The following THSD7A variants were observed in gnomAD, a reference collection of about 807,000 sequenced individuals.
The protein encoded by THSD7A is thrombospondin type 1 domain containing 7A.
Under a neutral mutation model 231.3 loss-of-function variants are expected in THSD7A, and 96 were observed. The observed-to-expected ratio is 0.41, with a 90% confidence interval of 0.35 to 0.49. The LOEUF (loss-of-function observed/expected upper bound fraction) is 0.49, where lower values mean the gene tolerates loss of function less well. THSD7A is among the 20% of genes least tolerant of loss of function. The pLI is 0.05. For missense variants in THSD7A, 2,290 were observed against 2,070.2 expected, an observed-to-expected ratio of 1.11 and a Z score of -2.06; for synonymous variants, 940 against 743.3, an observed-to-expected ratio of 1.26 and a Z score of -4.30.
intron 4 of THSD7A, among the ~76,000 whole-genome samples, chr7:11,571,606 C>A (rs759451887): frequency 6.6e-6 from 1 of 152,226 alleles, no homozygotes; most frequent in Non-Finnish European, 1.5e-5. Context: ...TCTATGTTCA[C>A]AACTGCTCAG....
rs1270852777 is a variant in THSD7A, at chr7:11,814,904, A to G, written c.190+16853T>C. Among the ~76,000 whole-genome samples the G allele has an allele frequency of 6.6e-6, 1 of 152,044 alleles. No individual in the cohort carries two copies. The highest frequency in any genetic ancestry group is 1.5e-5 in the Non-Finnish European group (1 of 68,008). On this transcript the variant is annotated intron_variant, in intron 1 of 27. Transcript: ENST00000423059. This position sits in a 1 kb window ranked among gnomAD's most constrained non-coding sequence, Gnocchi z 5.1. ...TTTCTGTGATTATCTGTGCCAGCTC[A>G]TGAGCAGCAGATGCCTTAATCCTGA...
At chr7:11,540,229 C>T (rs1328532182) in intron 6 of THSD7A, among the ~76,000 whole-genome samples, 1 of 152,144 alleles carries the variant, frequency 6.6e-6, no homozygotes, top group Non-Finnish European at 1.5e-5. Flanking sequence ...TCTCCTTCTT[C>T]CCATTTCAAA....
rs1488085665 is a variant in THSD7A at position 11,831,964 on chromosome 7, C to T, written c.-18G>A. 16 of 1,230,058 alleles carry T rather than the reference C, an allele frequency of 1.3e-5. No homozygotes were observed. In the South Asian group the frequency reaches 2.0e-4, roughly 16 times the overall value. 76.2% of individuals were successfully genotyped at this position (1,230,058 alleles called of 1,614,324 possible). ...AGCCCCATGCCGCCTGCAGCCACTC[C>T]AGGGTCCAGAGCCGTAGCACGCTCG... On this transcript the variant is annotated 5_prime_UTR_variant, in exon 1 of 28. Coordinates refer to ENST00000423059, the MANE Select transcript of THSD7A (RefSeq NM_015204.3). The surrounding 1 kb of genome is among the most constrained non-coding windows in gnomAD (Gnocchi z 5.0).
intron 1 of THSD7A, among the ~76,000 whole-genome samples, chr7:11,743,681 C>T (rs1782182766): frequency 6.9e-6 from 1 of 145,204 alleles, no homozygotes; most frequent in African/African-American, 2.7e-5. Context: ...TACTTATTAA[C>T]TCCAGGACAA....
At chr7:11,705,791 C>A (rs977955567) in intron 1 of THSD7A, among the ~76,000 whole-genome samples, 1 of 150,882 alleles carries the variant, frequency 6.6e-6, no homozygotes, top group African/African-American at 2.4e-5. Flanking sequence ...TTAGAGATTG[C>A]CAAAATCTTT....
chr7:11,726,073 G>T (rs552041435), intron 1 of THSD7A, among the ~76,000 whole-genome samples: 1 of 151,704 alleles, frequency 6.6e-6, no homozygotes, highest in African/African-American at 2.4e-5. Flanking sequence ...ATTTACTTTT[G>T]CTTTATAGAG....
rs1782420441 is a variant in THSD7A, at chr7:11,379,438, A to T, written c.4591-158T>A. 3.4e-6 allele frequency: 3 copies of T among 881,488 alleles called. No homozygotes were observed. In the South Asian group the frequency reaches 5.4e-5, roughly 16 times the overall value. The allele number at this position is 881,488 out of a possible 1,614,324, so 54.6% of individuals were successfully genotyped here. A position where few individuals can be genotyped will look rare whatever the true frequency, so the allele number is the denominator to read the frequency against. On this transcript the variant is annotated intron_variant, in intron 25 of 27. Transcript: ENST00000423059. ...AACTACAAAGAAACATACTTTTGGC[A>T]TTATATGAAAATGTATTCTAAAGGT...
chr7:11,457,166 T>C (rs756043137), intron 11 of THSD7A, among the ~76,000 whole-genome samples: 67 of 152,048 alleles, frequency 4.4e-4, no homozygotes, highest in Non-Finnish European at 7.4e-5. Flanking sequence ...ATGGAAATGT[T>C]ACCCAAATTT....
At chr7:11,762,942 TA>T (rs929936548) in intron 1 of THSD7A, among the ~76,000 whole-genome samples, 3 of 152,022 alleles carry the variant, frequency 2.0e-5, no homozygotes, top group Non-Finnish European at 4.4e-5. Context: ...TTCACAGAAT[TA>T]AAAAAATTGT....
chr7:11,636,327 C>T lies in THSD7A; in HGVS notation c.825G>A (p.Arg275=), dbSNP rs547330915. The change falls in exon 2 of 28, where the codon AGG becomes AGA. Residue 275 remains arginine, a synonymous_variant. Coordinates refer to ENST00000423059, the MANE Select transcript of THSD7A (RefSeq NM_015204.3). The surrounding 1 kb of genome is among the most constrained non-coding windows in gnomAD (Gnocchi z 10.0). The part of the protein sequence containing the change: ...MPHSRQVRQA[R]RRGKNKEREK... ...CCCGTTCTTTATTCTTCCCGCGTCT[C>T]CTTGCTTGTCTTACTTGTCGGGAGT... The T allele has an allele frequency of 9.5e-5, 153 of 1,613,816 alleles. No homozygotes were observed. Among genetic ancestry groups the T allele is most frequent in the Non-Finnish European group, 1.2e-4 (143 of 1,179,886 alleles).
intron 22 of THSD7A, among the ~76,000 whole-genome samples, chr7:11,404,288 C>CAAAT (rs1783508516): frequency 6.6e-6 from 1 of 152,156 alleles, no homozygotes; most frequent in African/African-American, 2.4e-5. Context: ...AAGTAACAGT[C>CAAAT]AAATGAGTGA....
At chr7:11,541,795 G>T (rs1789161358) in intron 5 of THSD7A, among the ~76,000 whole-genome samples, 164 bp from the exon 6 acceptor site, 1 of 152,164 alleles carries the variant, frequency 6.6e-6, no homozygotes, top group Non-Finnish European at 1.5e-5. Flanking sequence ...GTGAGGTCAT[G>T]AACCATCCAT....
intron 4 of THSD7A, among the ~76,000 whole-genome samples, chr7:11,554,434 G>A (rs888162524): frequency 1.4e-4 from 22 of 152,018 alleles, no homozygotes; most frequent in African/African-American, 2.4e-5. Flanking sequence ...TAAGTATAAT[G>A]TTAGCTATAG....
intron 6 of THSD7A, among the ~76,000 whole-genome samples, chr7:11,504,876 T>C (rs1049846008): frequency 6.6e-6 from 1 of 152,184 alleles, no homozygotes; most frequent in Admixed American, 6.5e-5. Context: ...TTGTATGTAT[T>C]ATTAAACTGG....
chr7:11,758,382 A>T (rs1039563545), intron 1 of THSD7A, among the ~76,000 whole-genome samples: 1 of 152,098 alleles, frequency 6.6e-6, no homozygotes, highest in African/African-American at 2.4e-5. Context: ...CCGAGCTGAT[A>T]TCAGAGGAAC....
chr7:11,406,226 T>C lies in THSD7A; in HGVS notation c.4237+74A>G. On this transcript the variant is annotated intron_variant, in intron 22 of 27. Coordinates refer to ENST00000423059, the MANE Select transcript of THSD7A (RefSeq NM_015204.3). The surrounding 1 kb of genome is among the most constrained non-coding windows in gnomAD (Gnocchi z 4.7). ...TGTTGACATCCTGTAACTTATACTTTATATGCAACCCCTTCACGGCCCTTG... is the reference window on the plus strand; with the variant it reads ...TGTTGACATCCTGTAACTTATACTTCATATGCAACCCCTTCACGGCCCTTG... 7.0e-7 allele frequency: 1 copy of C among 1,434,224 alleles called. No individual in the cohort carries two copies. The highest frequency in any genetic ancestry group is 9.5e-7 in the Non-Finnish European group (1 of 1,055,424). The allele number at this position is 1,434,224 out of a possible 1,614,324, so 88.8% of individuals were successfully genotyped here.
intron 13 of THSD7A, among the ~76,000 whole-genome samples, chr7:11,432,059 A>G (rs1458982645): frequency 6.6e-6 from 1 of 152,134 alleles, no homozygotes; most frequent in Non-Finnish European, 1.5e-5. Context: ...AAAGTGTTAA[A>G]ATACTAATTT....
chr7:11,497,391 G>T (rs1181945916), intron 6 of THSD7A, among the ~76,000 whole-genome samples: 1 of 151,884 alleles, frequency 6.6e-6, no homozygotes, highest in Non-Finnish European at 1.5e-5. Context: ...CAGATATTTT[G>T]GTGCATCTGT....
intron 1 of THSD7A, among the ~76,000 whole-genome samples, chr7:11,719,596 C>T (rs1352271947): frequency 1.3e-5 from 2 of 151,688 alleles, no homozygotes; most frequent in Admixed American, 6.6e-5. Context: ...TTTGCTTCTG[C>T]ATCATGCCCA....
Sources: allele counts gnomAD v4.1 joint callset (sites outside exome capture counted in the v4.1 genomes callset), GRCh38; gene constraint gnomAD v4.1.1; non-coding constraint Gnocchi (gnomAD v3.1); transcripts MANE v1.5; gene names NCBI Gene and HGNC (gene_info 2026-07-23, HGNC 2026-07-21).